Variants in SYN3 observed in about 807,000 individuals in gnomAD.
SYN3 encodes synapsin III, also known as synapsin-3.
Under a neutral mutation model 65.8 loss-of-function variants are expected in SYN3, and 35 were observed. The observed-to-expected ratio is 0.53, with a 90% confidence interval of 0.41 to 0.70. The LOEUF is 0.70. Ranked by LOEUF, SYN3 falls within the 30% of genes least tolerant of loss-of-function variation. The pLI is 0.00. For synonymous variants in SYN3, 270 were observed against 292.9 expected (o/e 0.92, Z 0.80); for missense variants, 680 against 749.0 (o/e 0.91, Z 1.08).
At chr22:32,604,856 A>C (rs181753880) in intron 6 of SYN3, among the ~76,000 whole-genome samples, 2 of 150,724 alleles carry the variant, frequency 1.3e-5, no homozygotes, top group African/African-American at 2.5e-5. Flanking sequence ...ATGCAAAAAA[A>C]TTAGCCGGGC....
At chr22:32,564,330 C>A (rs1404287028) in intron 7 of SYN3, among the ~76,000 whole-genome samples, 1 of 152,182 alleles carries the variant, frequency 6.6e-6, no homozygotes, top group East Asian at 1.9e-4. Flanking sequence ...GGTCACATAG[C>A]TGGTGAGCAA....
intron 6 of SYN3, among the ~76,000 whole-genome samples, chr22:32,659,993 A>G (rs1440493131): frequency 1.3e-5 from 2 of 152,164 alleles, no homozygotes; most frequent in African/African-American, 4.8e-5. Flanking sequence ...TCAATGGTTC[A>G]ATGTATATTT....
At chr22:33,006,847 A>G (rs912544554) in intron 1 of SYN3, 23 bp from the exon 2 acceptor site, 4 of 552,484 alleles carry the variant, frequency 7.2e-6, no homozygotes, top group African/African-American at 1.9e-5. Flanking sequence ...CAACAAATAC[A>G]TAAGTGGAAA....
intron 3 of SYN3, among the ~76,000 whole-genome samples, chr22:32,958,492 C>T (rs924147534): frequency 2.0e-5 from 3 of 152,290 alleles, no homozygotes; most frequent in African/African-American, 7.2e-5. Flanking sequence ...AGTAATAGCA[C>T]TAGATGTGGT....
intron 6 of SYN3, among the ~76,000 whole-genome samples, chr22:32,698,815 T>C (rs2060772794): frequency 6.6e-6 from 1 of 152,182 alleles, no homozygotes; most frequent in South Asian, 2.1e-4. Context: ...AGGAAGTAAA[T>C]ACTATTTATC....
intron 7 of SYN3, among the ~76,000 whole-genome samples, chr22:32,565,958 C>T (rs9609596): frequency 0.07 from 10,704 of 151,910 alleles, 517 homozygotes; most frequent in South Asian, 0.1. Flanking sequence ...GTGATCTGCC[C>T]GCCTCGGCCT....
At chr22:32,982,380 C>T (rs900296726) in intron 2 of SYN3, among the ~76,000 whole-genome samples, 5 of 152,218 alleles carry the variant, frequency 3.3e-5, no homozygotes, top group Admixed American at 3.3e-4. Context: ...CTTCTACATC[C>T]CTGCCTCTGT....
chr22:32,977,741 C>CAAA (rs35038035), intron 3 of SYN3, among the ~76,000 whole-genome samples: 2 of 89,830 alleles, frequency 2.2e-5, no homozygotes, highest in African/African-American at 4.7e-5. Flanking sequence ...AGACTGTCTC[C>CAAA]AAAAAAAAAA....
intron 1 of SYN3, among the ~76,000 whole-genome samples, chr22:33,049,726 C>T (rs1412081645): frequency 2.0e-5 from 3 of 152,178 alleles, no homozygotes; most frequent in Non-Finnish European, 2.9e-5. Context: ...TACAGTGGCA[C>T]AGATTCGGTG....
At chr22:32,890,394 T>A (rs567535139) in intron 4 of SYN3, among the ~76,000 whole-genome samples, 23 of 151,248 alleles carry the variant, frequency 1.5e-4, no homozygotes, top group African/African-American at 4.4e-4. Flanking sequence ...ACCTTTTTTT[T>A]ATTTGAGACA....
Position 32,615,298 on chromosome 22 carries a change from G to A in SYN3, c.712-18562C>T, listed in dbSNP as rs577107063. 2.0e-5 allele frequency among the ~76,000 whole-genome samples: 3 copies of A among 152,164 alleles called. No individual in the cohort carries two copies. In the East Asian group the frequency reaches 5.8e-4, roughly 29 times the overall value. ...AAAAATACAAAAATTAGCTGGGCAT[G>A]GTGGCAGGCGCCTGTAATCCCAGCT... is the stretch of plus-strand genomic sequence containing the variant. On this transcript the variant is annotated intron_variant, in intron 6 of 13. Coordinates refer to ENST00000358763, the MANE Select transcript of SYN3 (RefSeq NM_003490.4).
intron 6 of SYN3, chr22:32,849,561 G>T: frequency 6.2e-7 from 1 of 1,604,980 alleles, no homozygotes; most frequent in South Asian, 1.1e-5. Context: ...CCCTGGCTCC[G>T]GGAAGGTTTT....
intron 7 of SYN3, among the ~76,000 whole-genome samples, chr22:32,551,031 C>G (rs537497879): frequency 1.3e-5 from 2 of 152,264 alleles, no homozygotes; most frequent in East Asian, 3.9e-4. Context: ...TTGGAGGGTG[C>G]TAAGACACTA....
At chr22:32,914,962 T>C (rs890410305) in intron 4 of SYN3, among the ~76,000 whole-genome samples, 5 of 152,030 alleles carry the variant, frequency 3.3e-5, no homozygotes, top group Non-Finnish European at 7.4e-5. Flanking sequence ...TGGCTGCAAA[T>C]ATGAAAGCAA....
chr22:32,676,759 G>T (rs2060452305), intron 6 of SYN3, among the ~76,000 whole-genome samples: 2 of 150,394 alleles, frequency 1.3e-5, no homozygotes, highest in African/African-American at 4.9e-5. Context: ...TAGCCAGGAT[G>T]GTCTCAATCT....
rs142539790 is a variant in SYN3 at position 32,817,101 on chromosome 22, C to T, written c.711+47814G>A. On this transcript the variant is annotated intron_variant, in intron 6 of 13. Coordinates refer to ENST00000358763, the MANE Select transcript of SYN3 (RefSeq NM_003490.4). ...AGAAAAGGTGGTTGGGCCTGTAGTCCCAGTTACTCTTGAGGCTTAGGTGGG... is the reference window on the plus strand; with the variant it reads ...AGAAAAGGTGGTTGGGCCTGTAGTCTCAGTTACTCTTGAGGCTTAGGTGGG... 8.5e-3 allele frequency among the ~76,000 whole-genome samples: 1,288 copies of T among 151,988 alleles called. 20 individuals are homozygous for T. Among genetic ancestry groups the T allele is most frequent in the African/African-American group, 0.029 (1,217 of 41,422 alleles).
At chr22:32,864,616 A>T in intron 6 of SYN3, 1 of 228,228 alleles carries the variant, frequency 4.4e-6, no homozygotes, top group Non-Finnish European at 8.6e-6. Context: ...TTACCTTTAT[A>T]ATCAGCCTCT....
Position 32,644,102 on chromosome 22 carries a change from A to AGG in SYN3, c.712-47367_712-47366insCC, listed in dbSNP as rs1569118887. On this transcript the variant is annotated intron_variant, in intron 6 of 13. Transcript: ENST00000358763. ...AAAAAAAAAAAAAAAAAAAAAAAAA[A>AGG]GCGACAAGACTGACTGATGATGGGA... Among the ~76,000 whole-genome samples, 8 of 11,790 alleles carry AGG rather than the reference A, an allele frequency of 6.8e-4. 3 individuals are homozygous for AGG. Among genetic ancestry groups the AGG allele is most frequent in the Non-Finnish European group, 9.6e-4 (6 of 6,278 alleles). The allele number at this position is 11,790 out of a possible 152,430, so 7.7% of individuals were successfully genotyped here. A position where few individuals can be genotyped will look rare whatever the true frequency, so the allele number is the denominator to read the frequency against.
intron 3 of SYN3, among the ~76,000 whole-genome samples, chr22:32,933,812 T>C (rs1238117685): frequency 6.6e-6 from 1 of 152,112 alleles, no homozygotes; most frequent in African/African-American, 2.4e-5. Flanking sequence ...GGCTTATAAC[T>C]GGGAATTTTA....
Sources: gnomAD v4.1 joint callset for allele counts (sites outside exome capture counted in the v4.1 genomes callset) on GRCh38, gnomAD v4.1.1 for gene constraint, MANE v1.5 for transcripts, NCBI Gene and HGNC (gene_info 2026-07-23, HGNC 2026-07-21) for gene names.